The following AP3S1 variants were observed in gnomAD, a reference collection of about 807,000 sequenced individuals.
AP3S1 encodes AP-3 complex subunit sigma-1.
AP3S1 carries 12 observed loss-of-function variants against 21.3 expected under a neutral mutation model. That is an observed-to-expected ratio of 0.56 (90% CI 0.36 to 0.91). The LOEUF is 0.91. Ranked by LOEUF, AP3S1 falls within the 40% of genes least tolerant of loss-of-function variation. AP3S1 has a pLI of 0.01. For synonymous variants in AP3S1, 48 were observed against 78.4 expected (o/e 0.61, Z 2.05); for missense variants, 116 against 225.0 (o/e 0.52, Z 3.10).
intron 4 of AP3S1, among the ~76,000 whole-genome samples, chr5:115,898,459 A>G (rs1750946557): frequency 1.3e-5 from 2 of 152,220 alleles, no homozygotes; most frequent in Non-Finnish European, 2.9e-5. Flanking sequence ...ATTGGTTTGG[A>G]TGTAGAGACT....
chr5:115,909,041 A>G, intron 5 of AP3S1: 1 of 949,316 alleles, frequency 1.1e-6, no homozygotes, highest in Non-Finnish European at 1.3e-6. Flanking sequence ...AGGTTTTAAT[A>G]CGTACAGTTT....
intron 5 of AP3S1, among the ~76,000 whole-genome samples, chr5:115,909,350 C>G (rs1263156516): frequency 1.3e-5 from 2 of 152,170 alleles, no homozygotes; most frequent in East Asian, 3.8e-4. Context: ...CCATTACTAT[C>G]TTTGTGATTC....
At chr5:115,870,656 A>G (rs1442109643) in intron 3 of AP3S1, among the ~76,000 whole-genome samples, 10 of 152,046 alleles carry the variant, frequency 6.6e-5, no homozygotes, top group Admixed American at 1.3e-4. Context: ...TTCTCATTGC[A>G]TTTTCCAGAC....
chr5:115,878,333 G>A (rs1324874282), intron 3 of AP3S1, among the ~76,000 whole-genome samples: 1 of 152,068 alleles, frequency 6.6e-6, no homozygotes, highest in Non-Finnish European at 1.5e-5. Flanking sequence ...TATGGTTTTG[G>A]GTCTTACGTT....
intron 5 of AP3S1, among the ~76,000 whole-genome samples, chr5:115,911,202 T>G (rs1752076554): frequency 1.3e-5 from 2 of 152,064 alleles, no homozygotes; most frequent in African/African-American, 2.4e-5. Flanking sequence ...TTTAATTTAT[T>G]TTTTGCTTTA....
chr5:115,886,708 G>C (rs1749814479), intron 3 of AP3S1, among the ~76,000 whole-genome samples: 1 of 152,148 alleles, frequency 6.6e-6, no homozygotes, highest in African/African-American at 2.4e-5. Context: ...CAACCCCACT[G>C]TTGTTCAAAG....
chr5:115,873,362 T>C (rs1220847046), intron 3 of AP3S1, among the ~76,000 whole-genome samples: 1 of 152,202 alleles, frequency 6.6e-6, no homozygotes, highest in Admixed American at 6.5e-5. Context: ...TGTTTTGATA[T>C]TAGATAACAT....
At chr5:115,895,320 A>T (rs1750662828) in intron 4 of AP3S1, among the ~76,000 whole-genome samples, 162 bp downstream of exon 4, 1 of 152,098 alleles carries the variant, frequency 6.6e-6, no homozygotes, top group Non-Finnish European at 1.5e-5. Flanking sequence ...GGTGGAGAAG[A>T]TTCAGATCCT....
intron 4 of AP3S1, 42 bp downstream of exon 4, chr5:115,895,200 A>G (rs752594015): frequency 7.4e-7 from 1 of 1,356,092 alleles, no homozygotes; most frequent in African/African-American, 1.5e-5. Flanking sequence ...TAAGAAAAAC[A>G]TTAACTTATA....
chr5:115,875,761 C>G (rs1748660245), intron 3 of AP3S1, among the ~76,000 whole-genome samples: 1 of 152,184 alleles, frequency 6.6e-6, no homozygotes. Flanking sequence ...TTATTTAAAA[C>G]TTTCTGTTTT....
At chr5:115,852,114 T>C (rs181246437) in intron 1 of AP3S1, among the ~76,000 whole-genome samples, 111 of 152,290 alleles carry the variant, frequency 7.3e-4, no homozygotes, top group African/African-American at 2.5e-3. Flanking sequence ...TAGTCAGTCA[T>C]AGGACTATAG....
intron 3 of AP3S1, among the ~76,000 whole-genome samples, chr5:115,881,115 T>C (rs1749244511): frequency 6.6e-6 from 1 of 152,186 alleles, no homozygotes; most frequent in African/African-American, 2.4e-5. Context: ...AGGGGTCTTC[T>C]GAATACAGCA....
chr5:115,871,099 G>A (rs1748194741), intron 3 of AP3S1, among the ~76,000 whole-genome samples: 1 of 152,208 alleles, frequency 6.6e-6, no homozygotes, highest in Non-Finnish European at 1.5e-5. Context: ...TTGGAAGGAA[G>A]ACTGTCTCTT....
intron 3 of AP3S1, among the ~76,000 whole-genome samples, chr5:115,883,073 G>A (rs1189526655): frequency 1.3e-5 from 2 of 152,188 alleles, no homozygotes; most frequent in African/African-American, 4.8e-5. Context: ...AGCATCCCAG[G>A]TTGACTTCAG....
intron 3 of AP3S1, among the ~76,000 whole-genome samples, chr5:115,875,244 T>C (rs1181968519): frequency 6.6e-6 from 1 of 152,200 alleles, no homozygotes. Context: ...TATGACACAT[T>C]TATGTGATAA....
At chr5:115,850,835 C>G (rs549031987) in intron 1 of AP3S1, among the ~76,000 whole-genome samples, 195 of 152,254 alleles carry the variant, frequency 1.3e-3, no homozygotes, top group Non-Finnish European at 2.4e-3. Flanking sequence ...GACTCAGACT[C>G]AAGTATCCTT....
intron 5 of AP3S1, chr5:115,903,751 A>G (rs1269629002): frequency 6.6e-6 from 1 of 152,194 alleles, no homozygotes; most frequent in Non-Finnish European, 1.5e-5. Flanking sequence ...ACTAGTCTGA[A>G]TATCAGTAGC....
intron 2 of AP3S1, 64 bp from the exon 3 acceptor site, chr5:115,869,953 C>T (rs1748076944): frequency 3.9e-6 from 4 of 1,014,774 alleles, no homozygotes; most frequent in Non-Finnish European, 5.8e-6. Context: ...TGTCAGTTTG[C>T]TTGAGCTAAT....
intron 5 of AP3S1, chr5:115,903,546 T>A (rs1454865151): frequency 6.5e-6 from 1 of 152,894 alleles, no homozygotes; most frequent in Non-Finnish European, 1.5e-5. Flanking sequence ...CACTGACAAG[T>A]TAGTTAAGTC....
Sources: gnomAD v4.1 joint callset for allele counts (sites outside exome capture counted in the v4.1 genomes callset) on GRCh38, gnomAD v4.1.1 for gene constraint, MANE v1.5 for transcripts, NCBI Gene and HGNC (gene_info 2026-07-23, HGNC 2026-07-21) for gene names.